GRIK1: variants seen among roughly 807,000 people sequenced by gnomAD.
GRIK1 encodes glutamate ionotropic receptor kainate type subunit 1.
In GRIK1, 69 loss-of-function variants were observed where a neutral mutation model predicts 105.7. The ratio of observed to expected loss-of-function variants is 0.65; its 90% confidence interval spans 0.54 to 0.80. The LOEUF (loss-of-function observed/expected upper bound fraction) is 0.80. Among genes scored for constraint, GRIK1 ranks in the 30% least tolerant of loss-of-function variants. GRIK1 has a pLI of 0.00. For synonymous variants in GRIK1, 438 were observed against 431.3 expected, an observed-to-expected ratio of 1.02 and a Z score of -0.19; for missense variants, 1,109 against 1,167.3, an observed-to-expected ratio of 0.95 and a Z score of 0.73.
chr21:29,843,367 T>C lies in GRIK1; in HGVS notation c.118+96016A>G, dbSNP rs116120920. Among the ~76,000 whole-genome samples the C allele has an allele frequency of 7.0e-3, 1,063 of 152,294 alleles. 11 individuals carry two copies. Among genetic ancestry groups the C allele is most frequent in the African/African-American group, 0.024 (1,011 of 41,548 alleles). On this transcript the variant is annotated intron_variant, in intron 1 of 17. Transcript: ENST00000327783. The stretch of plus-strand genomic sequence containing the variant: ...TTTGTTTGCTTTTGTTCATTTATTT[T>C]TGTTTTTAGTGTGTAATTTTCTCAA...
At chr21:29,722,076 T>C (rs2064336717) in intron 1 of GRIK1, among the ~76,000 whole-genome samples, 1 of 152,214 alleles carries the variant, frequency 6.6e-6, no homozygotes, top group Non-Finnish European at 1.5e-5. Flanking sequence ...AAATTAGGTC[T>C]TATTAAAATA....
In GRIK1 at chr21:29,939,555, A is replaced by G; in HGVS notation, c.-55T>C. On this transcript the variant is annotated 5_prime_UTR_variant, in exon 1 of 18. Coordinates refer to ENST00000327783, the MANE Select transcript of GRIK1 (RefSeq NM_001330994.2). ...ACAGCCGCTGCCGGACGCCCGAGAGATGCACCCAACTTGGGCCGGGTCCCC... is the reference window on the plus strand; with the variant it reads ...ACAGCCGCTGCCGGACGCCCGAGAGGTGCACCCAACTTGGGCCGGGTCCCC... 2 of 1,147,466 alleles carry G rather than the reference A, an allele frequency of 1.7e-6. No homozygotes were observed. Among genetic ancestry groups the G allele is most frequent in the South Asian group, 1.5e-5 (1 of 68,704 alleles). 71.1% of individuals were successfully genotyped at this position (1,147,466 alleles called of 1,614,324 possible).
At chr21:29,852,360 A>G (rs2146052076) in intron 1 of GRIK1, among the ~76,000 whole-genome samples, 1 of 152,276 alleles carries the variant, frequency 6.6e-6, no homozygotes, top group Middle Eastern at 3.4e-3. Context: ...TCCTCCTACC[A>G]AGAAGGCCCC....
chr21:29,859,477 C>A (rs1457942550), intron 1 of GRIK1, among the ~76,000 whole-genome samples: 1 of 152,030 alleles, frequency 6.6e-6, no homozygotes, highest in East Asian at 1.9e-4. Context: ...ACTGACAGTT[C>A]CACTGCCCTC....
chr21:29,664,561 T>C (rs972218178), intron 4 of GRIK1, among the ~76,000 whole-genome samples: 3 of 152,240 alleles, frequency 2.0e-5, no homozygotes, highest in African/African-American at 4.8e-5. Flanking sequence ...TTTAATGATA[T>C]TGTAATTCCC....
intron 15 of GRIK1, among the ~76,000 whole-genome samples, chr21:29,560,515 C>CTTT (rs1568815407): frequency 0.02 from 1,020 of 50,176 alleles, 161 homozygotes; most frequent in African/African-American, 0.049. Flanking sequence ...TTCCTTCCTT[C>CTTT]CTTCCTTTCT....
intron 6 of GRIK1, among the ~76,000 whole-genome samples, chr21:29,650,147 A>G (rs1042033823): frequency 1.3e-5 from 2 of 152,162 alleles, no homozygotes; most frequent in African/African-American, 4.8e-5. Flanking sequence ...AAAAACAGTT[A>G]GGGAGCCTGA....
chr21:29,879,684 C>T (rs1369251466), intron 1 of GRIK1, among the ~76,000 whole-genome samples: 6 of 152,052 alleles, frequency 3.9e-5, no homozygotes, highest in Non-Finnish European at 7.4e-5. Context: ...GAACAATTAG[C>T]AGTCCCGATC....
At chr21:29,749,489 TTA>T (rs1171805436) in intron 1 of GRIK1, among the ~76,000 whole-genome samples, 1 of 152,188 alleles carries the variant, frequency 6.6e-6, no homozygotes, top group African/African-American at 2.4e-5. Context: ...GATGTGGTAG[TTA>T]AGAAGGCTCC....
At chr21:29,651,749 G>T (rs1224062538) in intron 5 of GRIK1, among the ~76,000 whole-genome samples, 1 of 151,584 alleles carries the variant, frequency 6.6e-6, no homozygotes, top group Non-Finnish European at 1.5e-5. Context: ...TTTATCCTAG[G>T]TTTGTATATA....
At position 29,797,517 on chromosome 21, in the gene GRIK1, C is replaced by T. The variant is rs551034289; in HGVS notation, c.119-103454G>A. ...GGGGAAGCTGTGTATTATATATGCA[C>T]CCTCTCAGTTTTCACCCATTCACAA... On this transcript the variant is annotated intron_variant, in intron 1 of 17. Transcript: ENST00000327783. Among the ~76,000 whole-genome samples the T allele has an allele frequency of 1.3e-3, 205 of 152,290 alleles. 2 individuals are homozygous for T. The highest frequency in any genetic ancestry group is 4.6e-3 in the African/African-American group (192 of 41,552).
chr21:29,782,753 A>G (rs1016196720), intron 1 of GRIK1, among the ~76,000 whole-genome samples: 1 of 152,230 alleles, frequency 6.6e-6, no homozygotes, highest in African/African-American at 2.4e-5. Context: ...CAGTTAATGA[A>G]TATATCTAAT....
intron 1 of GRIK1, among the ~76,000 whole-genome samples, chr21:29,703,733 C>T (rs2063855051): frequency 6.6e-6 from 1 of 152,164 alleles, no homozygotes; most frequent in African/African-American, 2.4e-5. Context: ...TTCAGAAAGT[C>T]CCAGCCAAGA....
At chr21:29,587,305 G>T in intron 12 of GRIK1, 61 bp downstream of exon 12, 1 of 1,039,516 alleles carries the variant, frequency 9.6e-7, no homozygotes, top group Non-Finnish European at 1.5e-6. Context: ...CTGCCTCTGG[G>T]ACATACAGAA....
intron 1 of GRIK1, among the ~76,000 whole-genome samples, chr21:29,903,884 T>C (rs556634975): frequency 6.6e-6 from 1 of 152,284 alleles, no homozygotes; most frequent in Admixed American, 6.5e-5. Flanking sequence ...CAAATGTCTA[T>C]CAATGATAAA....
intron 1 of GRIK1, among the ~76,000 whole-genome samples, chr21:29,760,239 T>A (rs186696954): frequency 6.6e-6 from 1 of 152,318 alleles, no homozygotes; most frequent in African/African-American, 2.4e-5. Flanking sequence ...TCTTTTCACC[T>A]CCAACATGCT....
chr21:29,588,555 T>C (rs553705783), intron 11 of GRIK1, among the ~76,000 whole-genome samples: 1 of 152,326 alleles, frequency 6.6e-6, no homozygotes, highest in South Asian at 2.1e-4. Flanking sequence ...TCTCCAGCCA[T>C]GAGGAACTGT....
At chr21:29,751,556 C>G (rs892152690) in intron 1 of GRIK1, among the ~76,000 whole-genome samples, 8 of 152,082 alleles carry the variant, frequency 5.3e-5, no homozygotes, top group African/African-American at 1.7e-4. Context: ...TATTATGGAG[C>G]CATCTCTTAA....
At chr21:29,630,444 A>G (rs2062240128) in intron 7 of GRIK1, 6 of 456,448 alleles carry the variant, frequency 1.3e-5, no homozygotes, top group South Asian at 9.7e-5. Context: ...AATAAAAAGT[A>G]CGATTATCCT....
Sources: allele counts gnomAD v4.1 joint callset (sites outside exome capture counted in the v4.1 genomes callset), GRCh38; gene constraint gnomAD v4.1.1; transcripts MANE v1.5; gene names NCBI Gene and HGNC (gene_info 2026-07-23, HGNC 2026-07-21).